The following ERG variants were observed in gnomAD, a reference collection of about 807,000 sequenced individuals.
ERG encodes the protein ETS transcription factor ERG.
In ERG, 9 loss-of-function variants were observed where a neutral mutation model predicts 55.3. That is an observed-to-expected ratio of 0.16 (90% CI 0.10 to 0.28). The LOEUF is 0.28. Ranked by LOEUF, ERG falls within the 10% of genes least tolerant of loss-of-function variation. ERG has a pLI of 1.00. For missense variants in ERG, 434 were observed against 631.6 expected, an observed-to-expected ratio of 0.69 and a Z score of 3.35; for synonymous variants, 223 against 237.3, an observed-to-expected ratio of 0.94 and a Z score of 0.55.
At chr21:38,569,166 C>A (rs1203456022) in intron 2 of ERG, among the ~76,000 whole-genome samples, 1 of 152,180 alleles carries the variant, frequency 6.6e-6, no homozygotes, top group East Asian at 1.9e-4. Context: ...TCCCTTCTCT[C>A]CCTCCCCCCC....
rs142046088 is a variant in ERG, at chr21:38,400,733, G to A, written c.674-88C>T. ...CAGCGCCAAATCTACTTTTCCCTAT[G>A]ACAACAAAGGGAAGAGACCTCCTCA... On this transcript the variant is annotated intron_variant, in intron 5 of 9. Transcript: ENST00000288319. 7.5e-5 allele frequency: 76 copies of A among 1,007,582 alleles called. No homozygotes were observed. The East Asian group carries it at 1.8e-3, about 24-fold the overall frequency. The allele number at this position is 1,007,582 out of a possible 1,614,324, so 62.4% of individuals were successfully genotyped here. A position where few individuals can be genotyped will look rare whatever the true frequency, so the allele number is the denominator to read the frequency against.
At chr21:38,648,570 T>C (rs1353429377) in intron 1 of ERG, among the ~76,000 whole-genome samples, 1 of 152,234 alleles carries the variant, frequency 6.6e-6, no homozygotes, top group Non-Finnish European at 1.5e-5. Context: ...AAATCCCTAC[T>C]GTCTTATAAA....
In ERG at chr21:38,382,537, TCTC is replaced by T; in HGVS notation, c.*863_*865del. On this transcript the variant is annotated 3_prime_UTR_variant, in exon 10 of 10. Transcript: ENST00000288319. ...CCTTTCTCCATTACGCTGTGTCCTT[TCTC>T]CTAACACTGGGTTTGGTATAACACT... The T allele has an allele frequency of 9.4e-7, 1 of 1,065,842 alleles. No individual in the cohort carries two copies. The highest frequency in any genetic ancestry group is 1.1e-6 in the Non-Finnish European group (1 of 879,304). The allele number at this position is 1,065,842 out of a possible 1,614,324, so 66.0% of individuals were successfully genotyped here.
chr21:38,367,327 G>A, the ERG span, among the ~76,000 whole-genome samples: 1 of 152,180 alleles, frequency 6.6e-6, no homozygotes, highest in South Asian at 2.1e-4. Flanking sequence ...CAGTTTTGGT[G>A]GATCAGGCAT....
At chr21:38,468,982 C>CAAAAAA (rs1261630693) in intron 1 of ERG, among the ~76,000 whole-genome samples, 58 of 28,994 alleles carry the variant, frequency 2.0e-3, no homozygotes, top group Non-Finnish European at 2.9e-3. Context: ...GACTCTGTCT[C>CAAAAAA]AAAAAAAAAA....
rs1477439006 is a variant in ERG, at chr21:38,403,686, G to A, written c.412C>T (p.His138Tyr). ...PADPTLWSTD[H>Y]VRQWLEWAVK... ...GCCCACTCCAGCCACTGCCGCACAT[G>A]GTCTGTACTCCATAGCGTAGGATCT... The change falls in exon 4 of 10, where the codon CAT becomes TAT. Residue 138 changes from histidine to tyrosine, a missense_variant. His to Tyr is a moderately conservative substitution (Grantham distance 83, BLOSUM62 2). This residue lies in a region of ERG where 212 missense variants were observed against 262.9 expected (regional missense o/e 0.81). Coordinates refer to ENST00000288319, the MANE Select transcript of ERG (RefSeq NM_182918.4). The A allele has an allele frequency of 6.2e-7, 1 of 1,614,142 alleles. No homozygotes were observed. The highest frequency in any genetic ancestry group is 8.5e-7 in the Non-Finnish European group (1 of 1,180,004).
At chr21:38,486,281 C>G (rs2059284855) in intron 1 of ERG, among the ~76,000 whole-genome samples, 2 of 152,104 alleles carry the variant, frequency 1.3e-5, no homozygotes, top group Admixed American at 1.3e-4. Context: ...ACATAAAAAC[C>G]ATTGTGTTAA....
chr21:38,608,415 T>C (rs764886811), intron 1 of ERG, among the ~76,000 whole-genome samples: 3 of 152,164 alleles, frequency 2.0e-5, no homozygotes, highest in Non-Finnish European at 2.9e-5. Context: ...ATCAAGAAGA[T>C]ATAAAACTCC....
chr21:38,618,750 G>A (rs2060273277), intron 1 of ERG, among the ~76,000 whole-genome samples: 1 of 152,182 alleles, frequency 6.6e-6, no homozygotes, highest in South Asian at 2.1e-4. Flanking sequence ...AGAGTGAGCA[G>A]AGGTTAGTCA....
chr21:38,589,542 AG>A (rs1459901617), upstream of ERG, among the ~76,000 whole-genome samples: 1 of 152,212 alleles, frequency 6.6e-6, no homozygotes, highest in East Asian at 1.9e-4. Flanking sequence ...GGTTTAGGGA[AG>A]GGCACATGAT....
chr21:38,404,049 A>C (rs986837717), intron 3 of ERG, among the ~76,000 whole-genome samples: 2 of 152,100 alleles, frequency 1.3e-5, no homozygotes, highest in Non-Finnish European at 2.9e-5. Context: ...AAAATGAGTA[A>C]GAATAAGAGG....
intron 1 of ERG, among the ~76,000 whole-genome samples, chr21:38,618,756 AG>A (rs1242672730): frequency 6.6e-6 from 1 of 152,170 alleles, no homozygotes; most frequent in Non-Finnish European, 1.5e-5. Flanking sequence ...AGCAGAGGTT[AG>A]TCACATCCAT....
intron 3 of ERG, among the ~76,000 whole-genome samples, chr21:38,405,808 A>T (rs910770452): frequency 1.3e-5 from 2 of 152,108 alleles, no homozygotes; most frequent in Non-Finnish European, 2.9e-5. Context: ...CAACTTGACC[A>T]GCTAGCATTG....
chr21:38,569,317 C>T (rs902750504), intron 2 of ERG, among the ~76,000 whole-genome samples: 9 of 152,230 alleles, frequency 5.9e-5, no homozygotes, highest in African/African-American at 2.2e-4. Context: ...CAGGAGGACA[C>T]ACTCAACTTG....
intron 1 of ERG, among the ~76,000 whole-genome samples, chr21:38,590,060 C>T (rs182054716): frequency 5.6e-4 from 86 of 152,284 alleles, no homozygotes; most frequent in Non-Finnish European, 9.3e-4. Context: ...GCTCATAGAT[C>T]TCCATACTTA....
intron 2 of ERG, among the ~76,000 whole-genome samples, chr21:38,572,594 G>C (rs2059965957): frequency 6.6e-6 from 1 of 152,110 alleles, no homozygotes; most frequent in Non-Finnish European, 1.5e-5. Context: ...ATTCTAATTG[G>C]TGGGATTTTG....
At position 38,380,264 on chromosome 21, in the gene ERG, G is replaced by A. The variant is rs1601308430; in HGVS notation, c.*3139C>T. 9.5e-7 allele frequency: 1 copy of A among 1,056,192 alleles called. No individual in the cohort carries two copies. The allele number at this position is 1,056,192 out of a possible 1,614,324, so 65.4% of individuals were successfully genotyped here. The stretch of plus-strand genomic sequence containing the variant: ...ATCTCTGCTGCACCTGCTGTCAGAG[G>A]GCAGCTCCTCCGGCTCCTGCTCCTG... On this transcript the variant is annotated 3_prime_UTR_variant, in exon 10 of 10. Coordinates refer to ENST00000288319, the MANE Select transcript of ERG (RefSeq NM_182918.4).
intron 2 of ERG, among the ~76,000 whole-genome samples, chr21:38,508,184 A>G (rs1184461279): frequency 6.6e-6 from 1 of 151,076 alleles, no homozygotes; most frequent in East Asian, 2.0e-4. Flanking sequence ...TCTGCTCCCC[A>G]CCCCTCTTCT....
intron 1 of ERG, among the ~76,000 whole-genome samples, chr21:38,459,145 T>TCA (rs1337617316): frequency 6.6e-6 from 1 of 152,160 alleles, no homozygotes; most frequent in Non-Finnish European, 1.5e-5. Flanking sequence ...TTCCAAGCCA[T>TCA]CACTCAGGAG....
Sources: gnomAD v4.1 joint callset for allele counts (sites outside exome capture counted in the v4.1 genomes callset) on GRCh38, gnomAD v4.1.1 for gene constraint, gnomAD v4.1.1 regional missense constraint, MANE v1.5 for transcripts, NCBI Gene and HGNC (gene_info 2026-07-23, HGNC 2026-07-21) for gene names.